NEDD4L: variants seen among roughly 807,000 people sequenced by gnomAD.
NEDD4L encodes the protein NEDD4 like E3 ubiquitin protein ligase, also known as E3 ubiquitin-protein ligase NEDD4-like.
In NEDD4L, 54 loss-of-function variants were observed where a neutral mutation model predicts 148.9. The observed-to-expected ratio is 0.36, with a 90% CI of 0.29 to 0.45. The LOEUF is 0.45. Ranked by LOEUF, NEDD4L falls within the 20% of genes least tolerant of loss-of-function variation. NEDD4L has a pLI of 1.00. For missense variants in NEDD4L, 856 were observed against 1,233.8 expected (o/e 0.69, Z 4.59); for synonymous variants, 433 against 440.7 (o/e 0.98, Z 0.22).
intron 2 of NEDD4L, among the ~76,000 whole-genome samples, chr18:58,214,815 T>TTTGTTG (rs34500074): frequency 8.7e-5 from 11 of 127,162 alleles, no homozygotes; most frequent in South Asian, 2.7e-4. Context: ...TTTTTTTTTT[T>TTTGTTG]TTGTTGTTGT....
intron 2 of NEDD4L, among the ~76,000 whole-genome samples, chr18:58,204,872 T>C (rs771130292): frequency 4.6e-5 from 7 of 152,054 alleles, no homozygotes; most frequent in Non-Finnish European, 8.8e-5. Flanking sequence ...CGAGACAAAA[T>C]GAAACTCTCC....
At chr18:58,230,949 T>C (rs2045101444) in intron 2 of NEDD4L, among the ~76,000 whole-genome samples, 1 of 151,930 alleles carries the variant, frequency 6.6e-6, no homozygotes, top group South Asian at 2.1e-4. Context: ...TTTACATACT[T>C]GAAAAGGGAC....
intron 5 of NEDD4L, among the ~76,000 whole-genome samples, chr18:58,278,688 G>T (rs1050371598): frequency 6.6e-6 from 1 of 151,958 alleles, no homozygotes; most frequent in South Asian, 2.1e-4. Flanking sequence ...AGTCCCTCAT[G>T]TACAGGCCTT....
At chr18:58,385,252 A>G (rs2048854066) in intron 25 of NEDD4L, among the ~76,000 whole-genome samples, 2 of 152,242 alleles carry the variant, frequency 1.3e-5, no homozygotes, top group Non-Finnish European at 2.9e-5. Flanking sequence ...ATTTTAAAGC[A>G]GTTAAGCATT....
chr18:58,335,888 C>A, intron 13 of NEDD4L: 1 of 237,446 alleles, frequency 4.2e-6, no homozygotes, highest in South Asian at 5.5e-5. Context: ...GTTGGAAGAT[C>A]ATCAAAGAAG....
intron 5 of NEDD4L, among the ~76,000 whole-genome samples, chr18:58,292,317 T>C (rs973854493): frequency 6.6e-6 from 1 of 152,150 alleles, no homozygotes; most frequent in Admixed American, 6.5e-5. Context: ...CAAGTAGAGA[T>C]AGATGTCTCG....
chr18:58,056,181 A>C (rs888948810), intron 1 of NEDD4L, among the ~76,000 whole-genome samples: 2 of 152,284 alleles, frequency 1.3e-5, no homozygotes, highest in African/African-American at 2.4e-5. Context: ...GCCTTTTAAT[A>C]ATTCTGAATT....
intron 1 of NEDD4L, among the ~76,000 whole-genome samples, chr18:58,095,217 T>A (rs2084313432): frequency 6.6e-6 from 1 of 152,224 alleles, no homozygotes; most frequent in Admixed American, 6.5e-5. Flanking sequence ...TTAGTATTTA[T>A]TGAGCTACAC....
At chr18:58,123,231 T>C (rs2030321106) in intron 1 of NEDD4L, among the ~76,000 whole-genome samples, 1 of 152,168 alleles carries the variant, frequency 6.6e-6, no homozygotes, top group Non-Finnish European at 1.5e-5. Flanking sequence ...ACCTGGCCTG[T>C]CCATTCTTGA....
intron 1 of NEDD4L, among the ~76,000 whole-genome samples, chr18:58,060,411 G>A (rs1281959261): frequency 2.6e-5 from 4 of 152,120 alleles, no homozygotes; most frequent in Admixed American, 1.3e-4. Context: ...GTTGGGCCCG[G>A]CAATCTGGGC....
At chr18:58,221,500 C>G (rs2043767937) in intron 2 of NEDD4L, 1 of 969,168 alleles carries the variant, frequency 1.0e-6, no homozygotes, top group Non-Finnish European at 1.2e-6. Flanking sequence ...TTTCCACCAA[C>G]AAGCATTTCT....
At chr18:58,045,391 A>G (rs1209680405) in intron 1 of NEDD4L, 1 of 374,980 alleles carries the variant, frequency 2.7e-6, no homozygotes, top group East Asian at 3.8e-5. Context: ...CCGAGGATTC[A>G]AAGCCCGGCA....
At chr18:58,297,342 G>T (rs993975043) in intron 5 of NEDD4L, among the ~76,000 whole-genome samples, 7 of 152,096 alleles carry the variant, frequency 4.6e-5, no homozygotes, top group African/African-American at 9.7e-5. Flanking sequence ...TGTCCTACAG[G>T]GATCATCTTA....
Position 58,400,775 on chromosome 18 carries a change from A to G in NEDD4L, c.*4506A>G, listed in dbSNP as rs2050798022. On this transcript the variant is annotated 3_prime_UTR_variant, in exon 31 of 31. Transcript: ENST00000400345. ...CGTGACCATAACTCTGTGTCTGCAG[A>G]TATGTGTTCCCGTGTAAGCCAGTTT... The G allele has an allele frequency of 6.6e-6, 1 of 152,136 alleles. No individual in the cohort carries two copies. Among genetic ancestry groups the G allele is most frequent in the Non-Finnish European group, 1.5e-5 (1 of 68,026 alleles). The allele number at this position is 152,136 out of a possible 1,614,324, so 9.4% of individuals were successfully genotyped here. A position where few individuals can be genotyped will look rare whatever the true frequency, so the allele number is the denominator to read the frequency against.
intron 1 of NEDD4L, among the ~76,000 whole-genome samples, chr18:58,125,838 G>T (rs111618255): frequency 0.017 from 2,614 of 152,264 alleles, 30 homozygotes; most frequent in African/African-American, 0.026. Context: ...TTTGATCCGG[G>T]GTCTTGGAAG....
intron 9 of NEDD4L, among the ~76,000 whole-genome samples, chr18:58,326,013 G>GC (rs1177133303): frequency 6.6e-6 from 1 of 152,158 alleles, no homozygotes; most frequent in Non-Finnish European, 1.5e-5. Context: ...TGTAATAAAA[G>GC]CAAGTCTACT....
At chr18:58,303,200 A>G (rs1182514555) in intron 5 of NEDD4L, among the ~76,000 whole-genome samples, 5 of 152,202 alleles carry the variant, frequency 3.3e-5, no homozygotes, top group African/African-American at 9.6e-5. Context: ...TGAGTAATGA[A>G]TGGAACTTTT....
At position 58,044,643 on chromosome 18, in the gene NEDD4L, G is replaced by A. The variant is rs1372196286; in HGVS notation, c.-18G>A. The A allele has an allele frequency of 8.8e-6, 14 of 1,595,908 alleles. No homozygotes were observed. Among genetic ancestry groups the A allele is most frequent in the Non-Finnish European group, 1.1e-5 (13 of 1,171,776 alleles). On this transcript the variant is annotated 5_prime_UTR_variant, in exon 1 of 31. Transcript: ENST00000400345. ...AGCCGCTGGGAGCGCCTCAGACCCC[G>A]CGCGGGGCGCCGGCTCCATGGCGAC...
At chr18:58,220,285 G>A (rs892434811) in intron 2 of NEDD4L, among the ~76,000 whole-genome samples, 14 of 152,056 alleles carry the variant, frequency 9.2e-5, no homozygotes, top group Non-Finnish European at 2.1e-4. Context: ...TCACACCTGT[G>A]GTCCCAGCTA....
Sources: allele counts gnomAD v4.1 joint callset (sites outside exome capture counted in the v4.1 genomes callset), GRCh38; gene constraint gnomAD v4.1.1; transcripts MANE v1.5; gene names NCBI Gene and HGNC (gene_info 2026-07-23, HGNC 2026-07-21).